CD300A: variants seen among roughly 807,000 people sequenced by gnomAD.
CD300A encodes CMRF35-like molecule 8.
In CD300A, 22 loss-of-function variants were observed where a neutral mutation model predicts 33.6. The ratio of observed to expected loss-of-function variants is 0.66; its 90% CI spans 0.47 to 0.94. The LOEUF (loss-of-function observed/expected upper bound fraction) is 0.94, where lower values mean the gene tolerates loss of function less well. Among genes scored for constraint, CD300A ranks in the 40% least tolerant of loss-of-function variants. The probability of loss-of-function intolerance (pLI) is 0.00; values close to 1 mark genes in which losing one functional copy is unlikely to be tolerated. For synonymous variants in CD300A, 136 were observed against 148.1 expected (o/e 0.92, Z 0.59); for missense variants, 326 against 360.5 (o/e 0.90, Z 0.77).
At position 74,473,887 on chromosome 17, in the gene CD300A, T is replaced by C. The variant is rs1446796603; in HGVS notation, c.379+13T>C. On this transcript the variant is annotated intron_variant, in intron 2 of 6. Coordinates refer to ENST00000360141, the MANE Select transcript of CD300A (RefSeq NM_007261.4). The stretch of plus-strand genomic sequence containing the variant: ...TCCGTGTTCCCGGGTGAGCCCCTCC[T>C]TCCCTCAGCGCCTAAATAGGCTCAG... 2 of 1,605,658 alleles carry C rather than the reference T, an allele frequency of 1.2e-6. No homozygotes were observed.
intron 4 of CD300A, among the ~76,000 whole-genome samples, chr17:74,477,988 G>A (rs1458912131): frequency 6.6e-6 from 1 of 152,110 alleles, no homozygotes; most frequent in African/African-American, 2.4e-5. Context: ...AAAAAGTCCA[G>A]GTATCTACAG....
intron 3 of CD300A, among the ~76,000 whole-genome samples, chr17:74,476,678 G>A (rs998832424): frequency 3.3e-5 from 5 of 152,224 alleles, no homozygotes; most frequent in African/African-American, 4.8e-5. Flanking sequence ...GCTGCAAGGC[G>A]ATTTATAAGC....
At chr17:74,472,462 C>T (rs895173810) in intron 1 of CD300A, among the ~76,000 whole-genome samples, 1 of 152,186 alleles carries the variant, frequency 6.6e-6, no homozygotes, top group African/African-American at 2.4e-5. Context: ...ACTCTCCTTG[C>T]TTTGCATCTG....
chr17:74,477,746 C>T (rs895345265), intron 4 of CD300A, among the ~76,000 whole-genome samples: 1 of 152,122 alleles, frequency 6.6e-6, no homozygotes, highest in African/African-American at 2.4e-5. Flanking sequence ...AAGCAGGAGG[C>T]TTTCCCACTT....
At chr17:74,474,944 G>A (rs567401245) in intron 3 of CD300A, among the ~76,000 whole-genome samples, 8 of 152,296 alleles carry the variant, frequency 5.3e-5, no homozygotes, top group East Asian at 1.9e-4. Context: ...TACGAGGCCC[G>A]TGTTAGATGC....
intron 1 of CD300A, among the ~76,000 whole-genome samples, chr17:74,467,610 G>A (rs1178287244): frequency 6.6e-6 from 1 of 152,220 alleles, no homozygotes; most frequent in African/African-American, 2.4e-5. Flanking sequence ...AGACTCCTCA[G>A]GCCTAGTCCT....
At chr17:74,483,920 C>T (rs1248908162) in intron 6 of CD300A, 81 bp from the exon 7 acceptor site, 6 of 1,534,004 alleles carry the variant, frequency 3.9e-6, no homozygotes, top group Non-Finnish European at 5.3e-6. Context: ...CCTCAGGTGT[C>T]CTCCCTCCTC....
Position 74,480,951 on chromosome 17 carries a change from A to G in CD300A, c.629-338A>G, listed in dbSNP as rs4789063. On this transcript the variant is annotated intron_variant, in intron 4 of 6. Transcript: ENST00000360141. The surrounding 1 kb of genome is among the most constrained non-coding windows in gnomAD (Gnocchi z 4.2). ...TTTAGTAGAGACAGGGTTTCACCCT[A>G]TTGGCCCGGCTGGTCTCGAACTCCT... is the stretch of plus-strand genomic sequence containing the variant. Among the ~76,000 whole-genome samples the G allele has an allele frequency of 0.58, 88,855 of 151,986 alleles. 29,318 individuals are homozygous for G. Among genetic ancestry groups the G allele is most frequent in the African/African-American group, 0.88 (36,466 of 41,486 alleles).
At chr17:74,470,130 T>C (rs925981782) in intron 1 of CD300A, 2 of 985,248 alleles carry the variant, frequency 2.0e-6, no homozygotes, top group South Asian at 9.4e-5. Context: ...CCCAAGGTGG[T>C]CCCCAGTCTC....
chr17:74,472,402 G>A lies in CD300A; in HGVS notation c.41-1134G>A, dbSNP rs574767736. Among the ~76,000 whole-genome samples the A allele has an allele frequency of 1.7e-4, 26 of 152,296 alleles. 1 individual carries two copies. In the South Asian group the frequency reaches 4.8e-3, roughly 28 times the overall value. On this transcript the variant is annotated intron_variant, in intron 1 of 6. Transcript: ENST00000360141. Reference sequence around the variant, plus strand: ...CTGTGCCCATCTGCCTGGGGCAGGGGCCATGTGTCCTCTGCTTGGCAGCCA... The same window carrying A: ...CTGTGCCCATCTGCCTGGGGCAGGGACCATGTGTCCTCTGCTTGGCAGCCA...
At chr17:74,466,584 C>G, upstream of CD300A, 3 of 1,181,228 alleles carry the variant, frequency 2.5e-6, no homozygotes, top group Non-Finnish European at 3.6e-6. Context: ...AGAAGCTGAA[C>G]AAGGAAGCAG....
At chr17:74,467,010 G>A (rs181224066) in intron 1 of CD300A, 2 of 1,361,386 alleles carry the variant, frequency 1.5e-6, no homozygotes, top group Non-Finnish European at 1.9e-6. Flanking sequence ...GCAGAAAAGG[G>A]ACCTTTTAGG....
At position 74,473,564 on chromosome 17, in the gene CD300A, C is replaced by G; in HGVS notation, c.69C>G (p.Thr23=). ...PGCFALSKCR[T]VAGPVGGSLS... ...GTTTTGCTCTGAGCAAATGCAGGAC[C>G]GTGGCGGGCCCCGTGGGGGGATCCC... Residue 23 remains threonine, a synonymous_variant, in exon 2 of 7, where the codon ACC becomes ACG. Coordinates refer to ENST00000360141, the MANE Select transcript of CD300A (RefSeq NM_007261.4). 3 of 1,613,852 alleles carry G rather than the reference C, an allele frequency of 1.9e-6. No homozygotes were observed. Among genetic ancestry groups the G allele is most frequent in the Non-Finnish European group, 2.5e-6 (3 of 1,179,838 alleles).
In CD300A at chr17:74,481,751, A is replaced by C; in HGVS notation, c.692A>C (p.Tyr231Ser). 2.5e-6 allele frequency: 4 copies of C among 1,612,140 alleles called. No individual in the cohort carries two copies. Among genetic ancestry groups the C allele is most frequent in the Non-Finnish European group, 3.4e-6 (4 of 1,179,460 alleles). ...GCTGCCACGCAGAGTGAGCTGCACT[A>C]CGCAAATCTGGAGCTGCTGATGTGG... ...KQAATQSELH[Y>S]ANLELLMWPL... The change falls in exon 6 of 7, where the codon TAC becomes TCC. Residue 231 changes from tyrosine to serine, a missense_variant. Transcript: ENST00000360141.
At chr17:74,477,861 A>G (rs1208944468) in intron 4 of CD300A, among the ~76,000 whole-genome samples, 1 of 152,086 alleles carries the variant, frequency 6.6e-6, no homozygotes, top group Non-Finnish European at 1.5e-5. Context: ...CCAGCTACTC[A>G]GGAGGCTGAG....
At chr17:74,476,645 G>C (rs766377776) in intron 3 of CD300A, among the ~76,000 whole-genome samples, 1 of 152,216 alleles carries the variant, frequency 6.6e-6, no homozygotes, top group South Asian at 2.1e-4. Context: ...CTGCTGCTGC[G>C]TGGTCAGGTG....
intron 2 of CD300A, 91 bp downstream of exon 2, chr17:74,473,965 T>A: frequency 7.1e-7 from 1 of 1,400,246 alleles, no homozygotes; most frequent in South Asian, 1.3e-5. Flanking sequence ...AGACAGTGTG[T>A]GTGTGTGTGT....
chr17:74,480,489 C>T lies in CD300A; in HGVS notation c.629-800C>T, dbSNP rs1246586467. 3.3e-5 allele frequency among the ~76,000 whole-genome samples: 5 copies of T among 152,158 alleles called. No homozygotes were observed. The highest frequency in any genetic ancestry group is 6.5e-5 in the Admixed American group (1 of 15,284). On this transcript the variant is annotated intron_variant, in intron 4 of 6. Coordinates refer to ENST00000360141, the MANE Select transcript of CD300A (RefSeq NM_007261.4). The surrounding 1 kb of genome is among the most constrained non-coding windows in gnomAD (Gnocchi z 4.2). ...CAAGGGCTGTGTGAGCCTGAGCTGG[C>T]GTCCCTGGGGCTGACAGGCCTCCTT... is the stretch of plus-strand genomic sequence containing the variant.
At chr17:74,479,812 C>T (rs1453088187) in intron 4 of CD300A, among the ~76,000 whole-genome samples, 4 of 152,014 alleles carry the variant, frequency 2.6e-5, no homozygotes, top group African/African-American at 9.7e-5. Context: ...CTGCCTGGAG[C>T]CTGACACCTG....
Sources: allele counts gnomAD v4.1 joint callset (sites outside exome capture counted in the v4.1 genomes callset), GRCh38; gene constraint gnomAD v4.1.1; non-coding constraint Gnocchi (gnomAD v3.1); transcripts MANE v1.5; gene names NCBI Gene and HGNC (gene_info 2026-07-23, HGNC 2026-07-21).